The following OPN5 variants were observed in gnomAD, a reference collection of about 807,000 sequenced individuals.
OPN5 encodes the protein opsin 5, also known as opsin-5.
In OPN5, 18 loss-of-function variants were observed where a neutral mutation model predicts 41.7. That is an observed-to-expected ratio of 0.43 (90% CI 0.30 to 0.64). The LOEUF is 0.64. OPN5 is among the 30% of genes least tolerant of loss of function. OPN5 has a pLI of 0.13. For missense variants in OPN5, 318 were observed against 434.5 expected (o/e 0.73, Z 2.38); for synonymous variants, 178 against 164.3 (o/e 1.08, Z -0.64).
chr6:47,785,836 C>T (rs1232975795), intron 1 of OPN5, among the ~76,000 whole-genome samples: 1 of 152,222 alleles, frequency 6.6e-6, no homozygotes, highest in Non-Finnish European at 1.5e-5. Context: ...GGGTCACTTT[C>T]TCTCCCCTTG....
intron 6 of OPN5, among the ~76,000 whole-genome samples, chr6:47,819,601 T>C (rs1326376157): frequency 1.3e-5 from 2 of 151,862 alleles, no homozygotes; most frequent in Non-Finnish European, 2.9e-5. Context: ...GCTGCTGCTG[T>C]TATTGGCGTG....
intron 4 of OPN5, among the ~76,000 whole-genome samples, chr6:47,800,519 T>C (rs747572087): frequency 6.6e-6 from 1 of 152,180 alleles, no homozygotes; most frequent in Non-Finnish European, 1.5e-5. Context: ...ACTGATGTTA[T>C]TTGCAGGAGT....
chr6:47,808,030 T>G (rs1361609788), intron 4 of OPN5, 124 bp from the exon 5 acceptor site: 3 of 890,090 alleles, frequency 3.4e-6, no homozygotes, highest in Non-Finnish European at 5.4e-6. Flanking sequence ...ACAAAGTAAA[T>G]GAAAACAATG....
intron 2 of OPN5, among the ~76,000 whole-genome samples, chr6:47,789,626 T>C (rs1773303620): frequency 6.6e-6 from 1 of 152,288 alleles, no homozygotes; most frequent in Admixed American, 6.5e-5. Context: ...GCACCTAGTC[T>C]AGCAAGCTGA....
At chr6:47,799,342 G>T (rs891274008) in intron 4 of OPN5, among the ~76,000 whole-genome samples, 2 of 151,752 alleles carry the variant, frequency 1.3e-5, no homozygotes, top group Non-Finnish European at 2.9e-5. Context: ...ATTTCTTATT[G>T]GACAGTCAAG....
At chr6:47,809,165 T>C (rs10485320) in intron 5 of OPN5, among the ~76,000 whole-genome samples, 38,780 of 152,086 alleles carry the variant, frequency 0.25, 5,104 homozygotes, top group South Asian at 0.29. Context: ...TGTCCACTCA[T>C]GGTCAGTATT....
In OPN5 at chr6:47,800,100, C is replaced by T. The variant is rs547574280; in HGVS notation, c.756+4537C>T. ...ATCTTCACACAATGCAGTGAATACT[C>T]TTGCTACTGATTAAATAAGGGGAAT... On this transcript the variant is annotated intron_variant, in intron 4 of 6. Transcript: ENST00000371211. Among the ~76,000 whole-genome samples, 6 of 152,304 alleles carry T rather than the reference C, an allele frequency of 3.9e-5. 1 individual carries two copies. The South Asian group carries it at 1.2e-3, about 32-fold the overall frequency.
At chr6:47,822,089 G>T (rs1056041998) in intron 6 of OPN5, among the ~76,000 whole-genome samples, 2 of 149,660 alleles carry the variant, frequency 1.3e-5, no homozygotes, top group Non-Finnish European at 3.0e-5. Flanking sequence ...TCCAGCCTGG[G>T]TGACAGTGAG....
At chr6:47,782,138 T>C in exon 1 of OPN5, 2 of 1,613,612 alleles carry the variant, frequency 1.2e-6, no homozygotes, top group Non-Finnish European at 1.7e-6. Flanking sequence ...GGGATCCTTT[T>C]GCTTCCAAAC....
chr6:47,819,259 A>G (rs1280875054), intron 6 of OPN5, among the ~76,000 whole-genome samples: 1 of 147,632 alleles, frequency 6.8e-6, no homozygotes, highest in East Asian at 2.0e-4. Context: ...ACCCCAGGAC[A>G]CCCTAAATTT....
intron 1 of OPN5, among the ~76,000 whole-genome samples, chr6:47,784,938 C>G (rs967690119): frequency 6.6e-6 from 1 of 152,122 alleles, no homozygotes; most frequent in Non-Finnish European, 1.5e-5. Context: ...TTTCCTGACA[C>G]TCATCTATAA....
intron 4 of OPN5, among the ~76,000 whole-genome samples, chr6:47,802,475 G>A (rs1773812119): frequency 6.6e-6 from 1 of 152,108 alleles, no homozygotes; most frequent in South Asian, 2.1e-4. Flanking sequence ...AATCCTGCTG[G>A]GCCTTAGTTT....
intron 2 of OPN5, among the ~76,000 whole-genome samples, chr6:47,791,108 C>G (rs1466056912): frequency 6.6e-6 from 1 of 151,774 alleles, no homozygotes; most frequent in Admixed American, 6.6e-5. Context: ...CTCTTCTTTC[C>G]TCTATTCATT....
intron 4 of OPN5, among the ~76,000 whole-genome samples, chr6:47,796,948 C>A (rs561058837): frequency 6.6e-6 from 1 of 152,298 alleles, no homozygotes; most frequent in South Asian, 2.1e-4. Context: ...AAATGAAGAG[C>A]AAAGTCATGT....
chr6:47,795,602 ACTT>A lies in OPN5; in HGVS notation c.756+40_756+42del. On this transcript the variant is annotated intron_variant, in intron 4 of 6. Transcript: ENST00000371211. ...TATTTTACACATGTGTTTTCTGACT[ACTT>A]ACAACTTCATAGGGTACAAAGGATA... The A allele has an allele frequency of 2.2e-6, 3 of 1,388,116 alleles. No individual in the cohort carries two copies. The South Asian group carries it at 3.6e-5, about 17-fold the overall frequency. 86.0% of individuals were successfully genotyped at this position (1,388,116 alleles called of 1,614,324 possible).
Position 47,782,118 on chromosome 6 carries a change from C to T in OPN5, c.52C>T (p.Leu18Phe), listed in dbSNP as rs141008387. The T allele has an allele frequency of 1.5e-4, 238 of 1,612,374 alleles. No individual in the cohort carries two copies. The highest frequency in any genetic ancestry group is 1.9e-4 in the Non-Finnish European group (229 of 1,178,562). ...TCAGGACGAGCGCCTGCCCCATTAC[C>T]TTCGAGATGGGGATCCTTTTGCTTC... is the stretch of plus-strand genomic sequence containing the variant. The change falls in exon 1 of 7, where the codon CTT (leucine) becomes TTT (phenylalanine). Residue 18 changes from leucine (L) to phenylalanine (F), a missense_variant. Leu to Phe is a conservative substitution (Grantham distance 22, BLOSUM62 0). Transcript: ENST00000371211.
At chr6:47,786,539 G>A (rs1773196454) in exon 2 of OPN5, 1 of 1,610,386 alleles carries the variant, frequency 6.2e-7, no homozygotes, top group Non-Finnish European at 8.5e-7. Context: ...TTTGGAAATG[G>A]ATATGTCCTT....
chr6:47,821,950 A>G (rs1356804316), intron 6 of OPN5, among the ~76,000 whole-genome samples: 5 of 152,058 alleles, frequency 3.3e-5, no homozygotes, highest in African/African-American at 1.2e-4. Context: ...CCTCTCTACT[A>G]AAAATATAAA....
intron 6 of OPN5, among the ~76,000 whole-genome samples, chr6:47,819,399 T>TATATATATATAA (rs1484297411): frequency 2.2e-4 from 28 of 128,636 alleles, no homozygotes; most frequent in African/African-American, 7.5e-4. Context: ...TATATATATA[T>TATATATATATAA]AAAACAGTAT....
Sources: allele counts gnomAD v4.1 joint callset (sites outside exome capture counted in the v4.1 genomes callset), GRCh38; gene constraint gnomAD v4.1.1; transcripts MANE v1.5; gene names NCBI Gene and HGNC (gene_info 2026-07-23, HGNC 2026-07-21).